The following PI15 variants were observed in gnomAD, a reference collection of about 807,000 sequenced individuals.
PI15 encodes the protein peptidase inhibitor 15, also known as 25 kDa trypsin inhibitor.
A neutral mutation model predicts 31.0 loss-of-function variants in PI15; 18 were observed. That is an observed-to-expected ratio of 0.58 (90% CI 0.40 to 0.86). The LOEUF is 0.86. Among genes scored for constraint, PI15 ranks in the 40% least tolerant of loss-of-function variants. PI15 has a pLI of 0.00. For synonymous variants in PI15, 118 were observed against 119.1 expected (o/e 0.99, Z 0.06); for missense variants, 282 against 328.1 (o/e 0.86, Z 1.09).
intron 5 of PI15, among the ~76,000 whole-genome samples, chr8:74,848,132 A>G (rs1811051195): frequency 6.6e-6 from 1 of 152,230 alleles, no homozygotes; most frequent in South Asian, 2.1e-4. Flanking sequence ...AAGGAAAAAT[A>G]TTGACAACAC....
chr8:74,848,732 T>TAGAGAGAGAGAGAGAG (rs1004356103), intron 5 of PI15, among the ~76,000 whole-genome samples: 16 of 136,358 alleles, frequency 1.2e-4, no homozygotes, highest in African/African-American at 4.4e-4. Context: ...TATATATATA[T>TAGAGAGAGAGAGAGAG]AGAGAGAGAG....
intron 2 of PI15, among the ~76,000 whole-genome samples, chr8:74,843,294 T>C (rs1182672466): frequency 2.0e-5 from 3 of 152,218 alleles, no homozygotes; most frequent in Non-Finnish European, 2.9e-5. Context: ...CTAAAACTGA[T>C]GTATGAATGT....
At chr8:74,834,860 G>GCACATTCTCCTGATGATT (rs55730814) in intron 2 of PI15, among the ~76,000 whole-genome samples, 4 of 151,796 alleles carry the variant, frequency 2.6e-5, no homozygotes, top group Non-Finnish European at 5.9e-5. Flanking sequence ...GAGTCAGTGG[G>GCACATTCTCCTGATGATT]CACATTCTCC....
intron 2 of PI15, among the ~76,000 whole-genome samples, chr8:74,838,535 C>G (rs1810901771): frequency 6.6e-6 from 1 of 151,932 alleles, no homozygotes; most frequent in Non-Finnish European, 1.5e-5. Flanking sequence ...AGCATAATGC[C>G]CAGTAGCTTT....
Position 74,825,424 on chromosome 8 carries a change from A to G in PI15, c.175A>G (p.Lys59Glu), listed in dbSNP as rs1408364400. ...DSADIPKARR[K>E]RYISQNDMIA... ...AGCGGATATCCCCAAAGCCAGGCGG[A>G]AGCGCTACATTTCGCAGAATGACAT... is the stretch of plus-strand genomic sequence containing the variant. Residue 59 changes from lysine to glutamate, a missense_variant, in exon 2 of 6, where the codon AAG becomes GAG. Transcript: ENST00000260113. 1 of 1,613,180 alleles carries G rather than the reference A, an allele frequency of 6.2e-7. No homozygotes were observed.
chr8:74,830,228 G>C (rs1016275183), intron 2 of PI15, among the ~76,000 whole-genome samples: 3 of 151,836 alleles, frequency 2.0e-5, no homozygotes, highest in African/African-American at 4.8e-5. Context: ...TGGAGTGGTG[G>C]AAAGGCAGAT....
chr8:74,854,595 G>C lies in PI15; in HGVS notation c.*5342G>C, dbSNP rs1811154220. The C allele has an allele frequency of 6.6e-6, 1 of 151,986 alleles. No individual in the cohort carries two copies. The allele number at this position is 151,986 out of a possible 1,614,324, so 9.4% of individuals were successfully genotyped here. A position where few individuals can be genotyped will look rare whatever the true frequency, so the allele number is the denominator to read the frequency against. ...TTGTTTGAAATATTCAGTTCAGTTTGTACCTGTTAGCAGTCTTTCAGTTTG... is the reference window on the plus strand; with the variant it reads ...TTGTTTGAAATATTCAGTTCAGTTTCTACCTGTTAGCAGTCTTTCAGTTTG... On this transcript the variant is annotated 3_prime_UTR_variant, in exon 6 of 6. Coordinates refer to ENST00000260113, the MANE Select transcript of PI15 (RefSeq NM_015886.5).
intron 2 of PI15, among the ~76,000 whole-genome samples, chr8:74,832,358 G>A (rs188436732): frequency 3.9e-5 from 6 of 152,158 alleles, no homozygotes; most frequent in Non-Finnish European, 5.9e-5. Context: ...AGCTAGTGTG[G>A]GGGAAGGAAC....
chr8:74,843,023 T>C (rs1228774477), intron 2 of PI15, among the ~76,000 whole-genome samples: 1 of 152,196 alleles, frequency 6.6e-6, no homozygotes, highest in Non-Finnish European at 1.5e-5. Context: ...ATGTAGACTC[T>C]GTGGGTTTTA....
chr8:74,826,755 T>C (rs567774882), intron 2 of PI15, among the ~76,000 whole-genome samples: 3 of 152,166 alleles, frequency 2.0e-5, no homozygotes, highest in Admixed American at 6.6e-5. Flanking sequence ...ATCTCTAATA[T>C]GAAGATAAAG....
chr8:74,825,122 C>A, intron 1 of PI15, 88 bp from the exon 2 acceptor site: 1 of 767,548 alleles, frequency 1.3e-6, no homozygotes, highest in African/African-American at 1.7e-5. Context: ...TCAAATCAAG[C>A]AATGCTCCCA....
rs1811144102 is a variant in PI15, at chr8:74,853,988, A to C, written c.*4735A>C. ...TTATTTTTATTTAGCACAGGTCATA[A>C]GAAAAATATATAGAAAAATAATCAA... On this transcript the variant is annotated 3_prime_UTR_variant, in exon 6 of 6. Coordinates refer to ENST00000260113, the MANE Select transcript of PI15 (RefSeq NM_015886.5). 1 of 152,046 alleles carries C rather than the reference A, an allele frequency of 6.6e-6. No homozygotes were observed. The highest frequency in any genetic ancestry group is 2.4e-5 in the African/African-American group (1 of 41,440). 9.4% of individuals were successfully genotyped at this position (152,046 alleles called of 1,614,324 possible). A position where few individuals can be genotyped will look rare whatever the true frequency, so the allele number is the denominator to read the frequency against.
chr8:74,835,990 G>A (rs2128764558), intron 2 of PI15, among the ~76,000 whole-genome samples: 1 of 152,278 alleles, frequency 6.6e-6, no homozygotes. Flanking sequence ...GGTAACTGTG[G>A]TGGTGGTGAT....
At chr8:74,841,363 A>G (rs980266158) in intron 2 of PI15, among the ~76,000 whole-genome samples, 1 of 152,194 alleles carries the variant, frequency 6.6e-6, no homozygotes, top group Non-Finnish European at 1.5e-5. Context: ...TAAAGATGAA[A>G]GGGACCCTGG....
At chr8:74,831,100 G>A (rs16938974) in intron 2 of PI15, among the ~76,000 whole-genome samples, 2,168 of 152,166 alleles carry the variant, frequency 0.014, 11 homozygotes, top group South Asian at 0.02. Flanking sequence ...CTTTTGTTCC[G>A]CTCTCCCCAC....
rs551806952 is a variant in PI15 at position 74,836,557 on chromosome 8, G to GA, written c.274-7415dup. ...AGTGAATATAAATGAAACAAGGATG[G>GA]AAAAAAAAAGAGAAGGGACTTGGAC... On this transcript the variant is annotated intron_variant, in intron 2 of 5. Transcript: ENST00000260113. 6.6e-5 allele frequency among the ~76,000 whole-genome samples: 10 copies of GA among 150,670 alleles called. No homozygotes were observed. The East Asian group carries it at 1.4e-3, about 21-fold the overall frequency.
At chr8:74,839,279 T>C (rs939601629) in intron 2 of PI15, among the ~76,000 whole-genome samples, 5 of 152,192 alleles carry the variant, frequency 3.3e-5, no homozygotes, top group African/African-American at 1.2e-4. Flanking sequence ...ATAAGCACAA[T>C]AGCTCATGGT....
In PI15 at chr8:74,853,363, T is replaced by C. The variant is rs1811133512; in HGVS notation, c.*4110T>C. ...ATCCATTTGATTCCTGATTCAGAAA[T>C]ATCAATAAAATCCTATGTTAAATTA... On this transcript the variant is annotated 3_prime_UTR_variant, in exon 6 of 6. Transcript: ENST00000260113. The C allele has an allele frequency of 1.3e-5, 2 of 152,534 alleles. No individual in the cohort carries two copies. The highest frequency in any genetic ancestry group is 1.9e-4 in the East Asian group (1 of 5,194). The allele number at this position is 152,534 out of a possible 1,614,324, so 9.4% of individuals were successfully genotyped here. A position where few individuals can be genotyped will look rare whatever the true frequency, so the allele number is the denominator to read the frequency against.
Position 74,843,878 on chromosome 8 carries a change from A to T in PI15, c.274-103A>T, listed in dbSNP as rs570897490. 73 of 745,166 alleles carry T rather than the reference A, an allele frequency of 9.8e-5. No homozygotes were observed. In the South Asian group the frequency reaches 1.1e-3, roughly 11 times the overall value. 46.2% of individuals were successfully genotyped at this position (745,166 alleles called of 1,614,324 possible). A position where few individuals can be genotyped will look rare whatever the true frequency, so the allele number is the denominator to read the frequency against. ...AAAACAAAAACAAAAACAAACAAACAGACAAACAATAACTCTAGGAAATAG... is the reference window on the plus strand; with the variant it reads ...AAAACAAAAACAAAAACAAACAAACTGACAAACAATAACTCTAGGAAATAG... On this transcript the variant is annotated intron_variant, in intron 2 of 5. Coordinates refer to ENST00000260113, the MANE Select transcript of PI15 (RefSeq NM_015886.5).
Sources: gnomAD v4.1 joint callset for allele counts (sites outside exome capture counted in the v4.1 genomes callset) on GRCh38, gnomAD v4.1.1 for gene constraint, MANE v1.5 for transcripts, NCBI Gene and HGNC (gene_info 2026-07-23, HGNC 2026-07-21) for gene names.